GNG2: variants seen among roughly 807,000 people sequenced by gnomAD.
The protein encoded by GNG2 is guanine nucleotide-binding protein G(I)/G(S)/G(O) subunit gamma-2.
A neutral mutation model predicts 5.5 loss-of-function variants in GNG2; 5 were observed. That is an observed-to-expected ratio of 0.91 (90% confidence interval 0.48 to 1.92). The LOEUF (loss-of-function observed/expected upper bound fraction) is 1.92, where lower values mean the gene tolerates loss of function less well. Among genes scored for constraint, GNG2 ranks in the 30% most tolerant of loss-of-function variants. The pLI, the probability that GNG2 is intolerant of heterozygous loss-of-function variation, is 0.01. For synonymous variants in GNG2, 28 were observed against 32.0 expected, an observed-to-expected ratio of 0.88 and a Z score of 0.42; for missense variants, 55 against 88.4, an observed-to-expected ratio of 0.62 and a Z score of 1.52.
At chr14:51,878,671 T>G (rs557800985) in intron 2 of GNG2, among the ~76,000 whole-genome samples, 3 of 152,290 alleles carry the variant, frequency 2.0e-5, no homozygotes, top group South Asian at 2.1e-4. Flanking sequence ...TCGATTTTCC[T>G]CAACTCATAT....
intron 2 of GNG2, among the ~76,000 whole-genome samples, chr14:51,920,570 C>T (rs1886960439): frequency 6.6e-6 from 1 of 151,844 alleles, no homozygotes; most frequent in Admixed American, 6.6e-5. Flanking sequence ...GTACTCTGAA[C>T]AATAGGAACA....
chr14:51,870,054 G>A (rs1425598394), intron 1 of GNG2, among the ~76,000 whole-genome samples: 1 of 152,042 alleles, frequency 6.6e-6, no homozygotes, highest in African/African-American at 2.4e-5. Flanking sequence ...CAATAGAGTT[G>A]GCCACTATTA....
At chr14:51,834,010 A>G (rs1002351251) in intron 2 of GNG2, among the ~76,000 whole-genome samples, 31 of 152,178 alleles carry the variant, frequency 2.0e-4, no homozygotes, top group African/African-American at 7.5e-4. Flanking sequence ...ATGCAATACC[A>G]ACTGAATTAG....
chr14:51,911,544 G>C (rs1209446971), intron 2 of GNG2, among the ~76,000 whole-genome samples: 1 of 147,378 alleles, frequency 6.8e-6, no homozygotes, highest in Non-Finnish European at 1.5e-5. Context: ...AATAATGATA[G>C]CTTTTTTTTT....
chr14:51,834,057 A>C (rs1881269625), intron 2 of GNG2, among the ~76,000 whole-genome samples: 1 of 152,224 alleles, frequency 6.6e-6, no homozygotes, highest in Non-Finnish European at 1.5e-5. Context: ...ATTTCTAGAA[A>C]AGACCAAAAA....
chr14:51,907,589 A>G (rs1594900212), intron 2 of GNG2, among the ~76,000 whole-genome samples: 1 of 152,206 alleles, frequency 6.6e-6, no homozygotes, highest in Admixed American at 6.5e-5. Flanking sequence ...TCTCATTGTC[A>G]GGGTGTTCTT....
At position 51,963,692 on chromosome 14, in the gene GNG2, C is replaced by T. The variant is rs181527533; in HGVS notation, c.88-2867C>T. ...GGCTGTGGCTTAATGGCAACACATTCGAGTTCAAGTTCTTTTTCTGCTGTG... is the reference window on the plus strand; with the variant it reads ...GGCTGTGGCTTAATGGCAACACATTTGAGTTCAAGTTCTTTTTCTGCTGTG... On this transcript the variant is annotated intron_variant, in intron 3 of 3. Transcript: ENST00000556766. Among the ~76,000 whole-genome samples the T allele has an allele frequency of 4.1e-3, 623 of 152,280 alleles. 4 individuals carry two copies. The highest frequency in any genetic ancestry group is 0.014 in the African/African-American group (597 of 41,556).
intron 2 of GNG2, among the ~76,000 whole-genome samples, chr14:51,843,236 G>T (rs1881531994): frequency 6.6e-6 from 1 of 152,132 alleles, no homozygotes; most frequent in Admixed American, 6.5e-5. Flanking sequence ...CTGGATGAAG[G>T]CACAAACATC....
At chr14:51,829,163 C>T (rs1881112421) in intron 2 of GNG2, among the ~76,000 whole-genome samples, 1 of 152,200 alleles carries the variant, frequency 6.6e-6, no homozygotes, top group Non-Finnish European at 1.5e-5. Context: ...ATCCACCTAG[C>T]CTTTCAGTCC....
chr14:51,914,381 C>T, intron 2 of GNG2: 1 of 652,772 alleles, frequency 1.5e-6, no homozygotes, highest in Non-Finnish European at 2.8e-6. Flanking sequence ...CTAATCCTTT[C>T]TCCCTGAATC....
intron 2 of GNG2, chr14:51,917,223 C>T (rs1347885130): frequency 2.6e-6 from 1 of 377,858 alleles, no homozygotes; most frequent in East Asian, 7.3e-5. Flanking sequence ...TGAAAAGTCC[C>T]CAAATGTTCT....
At chr14:51,851,016 G>A (rs937069552) in intron 2 of GNG2, among the ~76,000 whole-genome samples, 3 of 152,116 alleles carry the variant, frequency 2.0e-5, no homozygotes, top group Non-Finnish European at 4.4e-5. Flanking sequence ...ACCTGCATAG[G>A]CAATGCCAAC....
intron 2 of GNG2, among the ~76,000 whole-genome samples, chr14:51,828,992 C>T (rs1332417341): frequency 6.6e-5 from 10 of 152,196 alleles, no homozygotes; most frequent in Admixed American, 1.3e-4. Flanking sequence ...CTTGGGAATG[C>T]CAAGGTCCAC....
chr14:51,868,828 G>C (rs1174787422), intron 1 of GNG2, among the ~76,000 whole-genome samples: 1 of 152,076 alleles, frequency 6.6e-6, no homozygotes, highest in Non-Finnish European at 1.5e-5. Context: ...ACTTGATCTG[G>C]GTTGGATTTT....
At chr14:51,861,139 G>A (rs1882450509) in intron 1 of GNG2, among the ~76,000 whole-genome samples, 1 of 152,094 alleles carries the variant, frequency 6.6e-6, no homozygotes, top group Non-Finnish European at 1.5e-5. Context: ...CTTGTTTTAG[G>A]GGAGTGAGTG....
chr14:51,889,222 C>A (rs1354280074), intron 2 of GNG2, among the ~76,000 whole-genome samples: 1 of 150,816 alleles, frequency 6.6e-6, no homozygotes, highest in Non-Finnish European at 1.5e-5. Context: ...AAGCAATTCT[C>A]CTGCCTCAGC....
intron 2 of GNG2, among the ~76,000 whole-genome samples, chr14:51,878,600 G>A (rs967533905): frequency 7.9e-5 from 12 of 151,998 alleles, no homozygotes; most frequent in Non-Finnish European, 1.5e-4. Flanking sequence ...ATCCATTTAC[G>A]CATTCAGCAG....
intron 2 of GNG2, among the ~76,000 whole-genome samples, chr14:51,937,623 A>ATTTTTTTTTTTTTTTT (rs60571273): frequency 2.2e-5 from 3 of 133,584 alleles, no homozygotes; most frequent in Non-Finnish European, 4.5e-5. Flanking sequence ...GAAATACATA[A>ATTTTTTTTTTTTTTTT]TTTTTTTTTT....
intron 2 of GNG2, among the ~76,000 whole-genome samples, chr14:51,834,162 A>T (rs1357745036): frequency 6.6e-6 from 1 of 152,182 alleles, no homozygotes; most frequent in Non-Finnish European, 1.5e-5. Context: ...GAGATGGGGG[A>T]AGAAGGGCAT....
Sources: gnomAD v4.1 joint callset for allele counts (sites outside exome capture counted in the v4.1 genomes callset) on GRCh38, gnomAD v4.1.1 for gene constraint, MANE v1.5 for transcripts, NCBI Gene and HGNC (gene_info 2026-07-23, HGNC 2026-07-21) for gene names.